PRRX1: variants seen among roughly 807,000 people sequenced by gnomAD.
PRRX1 encodes the protein paired related homeobox 1.
PRRX1 carries 8 observed loss-of-function variants against 24.0 expected under a neutral mutation model. That is an observed-to-expected ratio of 0.33 (90% CI 0.20 to 0.60). The LOEUF (loss-of-function observed/expected upper bound fraction) is 0.60. Among genes scored for constraint, PRRX1 ranks in the 20% least tolerant of loss-of-function variants. PRRX1 has a pLI of 0.82. For synonymous variants in PRRX1, 160 were observed against 131.7 expected, an observed-to-expected ratio of 1.22 and a Z score of -1.47; for missense variants, 281 against 322.4, an observed-to-expected ratio of 0.87 and a Z score of 0.98.
intron 1 of PRRX1, among the ~76,000 whole-genome samples, chr1:170,708,196 T>C (rs1057323992): frequency 3.9e-5 from 6 of 152,178 alleles, no homozygotes; most frequent in African/African-American, 1.2e-4. Flanking sequence ...TACTCATAGA[T>C]TTCCACTCCA....
At chr1:170,688,981 T>G (rs1257351298) in intron 1 of PRRX1, among the ~76,000 whole-genome samples, 1 of 152,140 alleles carries the variant, frequency 6.6e-6, no homozygotes, top group Non-Finnish European at 1.5e-5. Context: ...TAGAAATCAA[T>G]AGCATATTGA....
At chr1:170,720,586 A>G (rs1193230083) in intron 2 of PRRX1, among the ~76,000 whole-genome samples, 1 of 152,180 alleles carries the variant, frequency 6.6e-6, no homozygotes, top group Non-Finnish European at 1.5e-5. Context: ...CGAAGTGGTT[A>G]AAGAGATGAA....
intron 1 of PRRX1, chr1:170,668,883 G>A (rs933843310): frequency 6.6e-6 from 1 of 152,130 alleles, no homozygotes; most frequent in Non-Finnish European, 1.5e-5. Flanking sequence ...AGCTTTAAGG[G>A]TAGCTTGGAA....
In PRRX1 at chr1:170,733,463, A is replaced by G. The variant is rs116119848; in HGVS notation, c.600-2585A>G. Reference sequence around the variant, plus strand: ...CAGAAAATTAGACCAAGTACTTAAAAGCACAATATTCTATGACAATCTACA... The same window carrying G: ...CAGAAAATTAGACCAAGTACTTAAAGGCACAATATTCTATGACAATCTACA... On this transcript the variant is annotated intron_variant, in intron 3 of 3. Transcript: ENST00000239461. Among the ~76,000 whole-genome samples the G allele has an allele frequency of 6.2e-3, 940 of 152,282 alleles. 10 individuals carry two copies. Among genetic ancestry groups the G allele is most frequent in the African/African-American group, 0.021 (882 of 41,580 alleles).
chr1:170,707,536 T>G (rs1318939906), intron 1 of PRRX1, among the ~76,000 whole-genome samples: 1 of 152,206 alleles, frequency 6.6e-6, no homozygotes, highest in Non-Finnish European at 1.5e-5. Flanking sequence ...TCTCAAATCC[T>G]TTCTTCCATC....
intron 1 of PRRX1, among the ~76,000 whole-genome samples, chr1:170,676,948 T>G (rs1653341717): frequency 6.6e-6 from 1 of 152,184 alleles, no homozygotes; most frequent in African/African-American, 2.4e-5. Flanking sequence ...CACAGCAGGT[T>G]GGAAAGAGAT....
intron 1 of PRRX1, among the ~76,000 whole-genome samples, chr1:170,709,140 T>C (rs1231140135): frequency 2.6e-5 from 4 of 152,156 alleles, no homozygotes; most frequent in Non-Finnish European, 4.4e-5. Context: ...AATTACAGAC[T>C]GTCATAAGTG....
At chr1:170,698,235 A>G (rs947313653) in intron 1 of PRRX1, among the ~76,000 whole-genome samples, 1 of 152,208 alleles carries the variant, frequency 6.6e-6, no homozygotes. Flanking sequence ...ACTGGCAACA[A>G]GGTGACAGAA....
At chr1:170,708,658 T>C (rs1178892485) in intron 1 of PRRX1, among the ~76,000 whole-genome samples, 1 of 152,208 alleles carries the variant, frequency 6.6e-6, no homozygotes, top group Non-Finnish European at 1.5e-5. Flanking sequence ...AATAATTCCA[T>C]ATGTATCATC....
intron 3 of PRRX1, 81 bp from the exon 4 acceptor site, chr1:170,735,967 T>TACATCCATC (rs1428834102): frequency 5.7e-6 from 9 of 1,572,382 alleles, no homozygotes; most frequent in Non-Finnish European, 7.9e-6. Context: ...ATGCTGAGAG[T>TACATCCATC]ACATCCATCT....
intron 1 of PRRX1, among the ~76,000 whole-genome samples, chr1:170,666,361 T>C (rs1472358287): frequency 7.5e-6 from 1 of 132,824 alleles, no homozygotes; most frequent in Non-Finnish European, 1.5e-5. Context: ...GAGGTTGCAG[T>C]GAGCCCAGAT....
At chr1:170,682,662 C>T (rs916707245) in intron 1 of PRRX1, among the ~76,000 whole-genome samples, 20 of 151,910 alleles carry the variant, frequency 1.3e-4, no homozygotes, top group Admixed American at 1.1e-3. Context: ...CTACTATGTG[C>T]CAGTCATTAT....
At chr1:170,707,266 GA>G (rs916506039) in intron 1 of PRRX1, among the ~76,000 whole-genome samples, 10 of 152,204 alleles carry the variant, frequency 6.6e-5, no homozygotes, top group Admixed American at 6.5e-4. Context: ...TATCATCAGG[GA>G]AAGTATGACC....
chr1:170,724,939 G>T (rs1315492307), intron 2 of PRRX1, among the ~76,000 whole-genome samples: 1 of 152,120 alleles, frequency 6.6e-6, no homozygotes, highest in Non-Finnish European at 1.5e-5. Flanking sequence ...ATTTGTTTGT[G>T]TCCTCTCTGA....
At chr1:170,663,866 T>C (rs2101878369), upstream of PRRX1, 1 of 239,048 alleles carries the variant, frequency 4.2e-6, no homozygotes, top group South Asian at 1.1e-4. Flanking sequence ...TTTGGAGAGT[T>C]GGAAGGGATT....
intron 1 of PRRX1, among the ~76,000 whole-genome samples, chr1:170,666,417 C>CAAAAAAAA (rs35075394): frequency 6.5e-4 from 49 of 75,916 alleles, no homozygotes; most frequent in Admixed American, 9.2e-4. Flanking sequence ...GACTCCGTCT[C>CAAAAAAAA]AAAAAAAAAA....
chr1:170,694,214 C>T (rs181568953), intron 1 of PRRX1, among the ~76,000 whole-genome samples: 2 of 152,160 alleles, frequency 1.3e-5, no homozygotes, highest in South Asian at 4.1e-4. Context: ...AAGGTTTGAT[C>T]AATTTTTTAA....
chr1:170,664,271 G>T lies in PRRX1; in HGVS notation c.53G>T (p.Arg18Leu), dbSNP rs1409882371. The T allele has an allele frequency of 1.2e-6, 2 of 1,612,904 alleles. No individual in the cohort carries two copies. Among genetic ancestry groups the T allele is most frequent in the Admixed American group, 3.3e-5 (2 of 59,902 alleles). Residue 18 changes from arginine to leucine, a missense_variant, in exon 1 of 4, where the codon CGC (arginine) becomes CTC (leucine). Coordinates refer to ENST00000239461, the MANE Select transcript of PRRX1 (RefSeq NM_022716.4). The part of the protein sequence containing the change: ...VLERQPALGG[R>L]LDSPGNLDTL... ...GAGCGGCAACCGGCGCTGGGCGGCC[G>T]CTTGGACAGCCCGGGCAACCTCGAC...
At chr1:170,685,188 T>A (rs1275629228) in intron 1 of PRRX1, among the ~76,000 whole-genome samples, 2 of 152,226 alleles carry the variant, frequency 1.3e-5, no homozygotes, top group African/African-American at 4.8e-5. Context: ...AATGTCTTTA[T>A]TAATGATCTG....
Sources: allele counts gnomAD v4.1 joint callset (sites outside exome capture counted in the v4.1 genomes callset), GRCh38; gene constraint gnomAD v4.1.1; transcripts MANE v1.5; gene names NCBI Gene and HGNC (gene_info 2026-07-23, HGNC 2026-07-21).